Variants in CBFA2T2 observed in about 807,000 individuals in gnomAD.
CBFA2T2 encodes CBFA2/RUNX1 partner transcriptional co-repressor 2, also known as protein CBFA2T2.
Under a neutral mutation model 62.2 loss-of-function variants are expected in CBFA2T2, and 11 were observed. The ratio of observed to expected loss-of-function variants is 0.18; its 90% CI spans 0.11 to 0.29. The LOEUF (loss-of-function observed/expected upper bound fraction) is 0.29. Among genes scored for constraint, CBFA2T2 ranks in the 10% least tolerant of loss-of-function variants. The pLI is 1.00. For missense variants in CBFA2T2, 592 were observed against 774.1 expected (o/e 0.76, Z 2.79); for synonymous variants, 295 against 287.5 (o/e 1.03, Z -0.27).
chr20:33,542,508 T>C (rs1050650076), intron 1 of CBFA2T2, among the ~76,000 whole-genome samples: 1 of 152,204 alleles, frequency 6.6e-6, no homozygotes, highest in Non-Finnish European at 1.5e-5. Context: ...TTAAAGCTTC[T>C]GAATACTCTC....
At chr20:33,623,716 G>A in intron 5 of CBFA2T2, 1 of 681,602 alleles carries the variant, frequency 1.5e-6, no homozygotes, top group Non-Finnish European at 2.7e-6. Flanking sequence ...GAGCCACCAT[G>A]CCCAGCCCAA....
At chr20:33,502,097 G>A (rs907153507) in intron 1 of CBFA2T2, among the ~76,000 whole-genome samples, 3 of 152,048 alleles carry the variant, frequency 2.0e-5, no homozygotes, top group African/African-American at 7.2e-5. Flanking sequence ...GCACTAGCCG[G>A]GATTATAGAC....
At chr20:33,556,140 TAC>T in intron 1 of CBFA2T2, among the ~76,000 whole-genome samples, 1 of 152,264 alleles carries the variant, frequency 6.6e-6, no homozygotes, top group Non-Finnish European at 1.5e-5. Context: ...GTTTTGGGAT[TAC>T]AAATGTGAGC....
chr20:33,608,184 A>C (rs1165489113), intron 2 of CBFA2T2, among the ~76,000 whole-genome samples: 1 of 152,242 alleles, frequency 6.6e-6, no homozygotes, highest in African/African-American at 2.4e-5. Flanking sequence ...ACATACATGC[A>C]CACAAGTGTC....
chr20:33,593,418 C>CA (rs2014750196), intron 1 of CBFA2T2, among the ~76,000 whole-genome samples: 1 of 104,654 alleles, frequency 9.6e-6, no homozygotes, highest in Non-Finnish European at 1.8e-5. Flanking sequence ...TTTTTTGAGA[C>CA]AGAGTCTCAC....
intron 1 of CBFA2T2, among the ~76,000 whole-genome samples, chr20:33,544,945 C>T (rs8182816): frequency 2.7e-4 from 36 of 130,980 alleles, no homozygotes; most frequent in Non-Finnish European, 4.1e-4. Context: ...TAGAATAGAA[C>T]AGAATAGAAT....
chr20:33,623,799 G>A (rs78702728), intron 5 of CBFA2T2: 4 of 715,498 alleles, frequency 5.6e-6, no homozygotes, highest in Non-Finnish European at 1.0e-5. Context: ...AAATCTATGG[G>A]AGTAGCTTCC....
At chr20:33,551,682 T>A (rs1257045615) in intron 1 of CBFA2T2, among the ~76,000 whole-genome samples, 1 of 151,156 alleles carries the variant, frequency 6.6e-6, no homozygotes. Flanking sequence ...CAGGCGTGTG[T>A]CACCACGCCC....
chr20:33,609,689 A>G (rs1353252848), intron 2 of CBFA2T2, among the ~76,000 whole-genome samples: 3 of 152,220 alleles, frequency 2.0e-5, no homozygotes, highest in African/African-American at 7.2e-5. Flanking sequence ...GGTTCAGTGT[A>G]AGAAGAGGGA....
chr20:33,606,861 C>G (rs1182276560), intron 1 of CBFA2T2, 95 bp from the exon 2 acceptor site: 1 of 1,180,128 alleles, frequency 8.5e-7, no homozygotes, highest in East Asian at 2.4e-5. Context: ...TTATACCAAG[C>G]AGTCCTCTAG....
chr20:33,493,762 C>T (rs538860357), intron 1 of CBFA2T2, among the ~76,000 whole-genome samples: 75 of 123,574 alleles, frequency 6.1e-4, no homozygotes, highest in African/African-American at 2.0e-3. Context: ...CTCAGCTTCC[C>T]GGTATTGGGA....
chr20:33,499,751 C>T (rs917424311), intron 1 of CBFA2T2, among the ~76,000 whole-genome samples: 4 of 152,160 alleles, frequency 2.6e-5, no homozygotes, highest in Middle Eastern at 3.4e-3. Flanking sequence ...ATAGATCAAA[C>T]TTGGGAGAGA....
chr20:33,639,353 T>A (rs941222982), intron 9 of CBFA2T2: 1 of 152,266 alleles, frequency 6.6e-6, no homozygotes, highest in African/African-American at 2.4e-5. Context: ...GGTGGGCGGA[T>A]CACGAGGTCA....
intron 1 of CBFA2T2, among the ~76,000 whole-genome samples, chr20:33,566,381 G>A (rs1333023868): frequency 3.3e-5 from 5 of 152,104 alleles, no homozygotes; most frequent in Admixed American, 6.6e-5. Flanking sequence ...CGAAGTGAGC[G>A]GATTACTTGA....
intron 1 of CBFA2T2, among the ~76,000 whole-genome samples, chr20:33,557,076 A>G (rs2012922204): frequency 8.1e-6 from 1 of 124,102 alleles, no homozygotes; most frequent in South Asian, 2.6e-4. Context: ...GTGCAATGGC[A>G]TGGTCTTGGC....
At chr20:33,590,722 C>T (rs372026599) in intron 1 of CBFA2T2, among the ~76,000 whole-genome samples, 6 of 152,132 alleles carry the variant, frequency 3.9e-5, no homozygotes, top group African/African-American at 1.2e-4. Context: ...ATCTTTGCTT[C>T]GTGCTACTCC....
chr20:33,596,795 G>C (rs2014910469), intron 1 of CBFA2T2, among the ~76,000 whole-genome samples: 1 of 152,010 alleles, frequency 6.6e-6, no homozygotes, highest in African/African-American at 2.4e-5. Flanking sequence ...GCATTTTAAA[G>C]GTAATCCTGA....
intron 1 of CBFA2T2, among the ~76,000 whole-genome samples, chr20:33,579,615 A>G (rs1160534276): frequency 1.4e-5 from 2 of 144,738 alleles, no homozygotes; most frequent in Admixed American, 1.4e-4. Flanking sequence ...ATCTATTTGG[A>G]CATCGAGTTC....
At chr20:33,636,737 C>T in intron 9 of CBFA2T2, 29 bp downstream of exon 9, 1 of 1,522,038 alleles carries the variant, frequency 6.6e-7, no homozygotes, top group South Asian at 1.1e-5. Flanking sequence ...GTAGGTCATA[C>T]ATACTCACTA....
Sources: gnomAD v4.1 joint callset for allele counts (sites outside exome capture counted in the v4.1 genomes callset) on GRCh38, gnomAD v4.1.1 for gene constraint, MANE v1.5 for transcripts, NCBI Gene and HGNC (gene_info 2026-07-23, HGNC 2026-07-21) for gene names.